ERICH6B: variants seen among roughly 807,000 people sequenced by gnomAD.
ERICH6B encodes glutamate rich 6B, also known as glutamate-rich protein 6B.
A neutral mutation model predicts 80.0 loss-of-function variants in ERICH6B; 69 were observed. That is an observed-to-expected ratio of 0.86 (90% CI 0.71 to 1.05). ERICH6B has a LOEUF of 1.05. Ranked by LOEUF, ERICH6B falls within the 50% of genes least tolerant of loss-of-function variation. The pLI, the probability that ERICH6B is intolerant of heterozygous loss-of-function variation, is 0.00. For synonymous variants in ERICH6B, 283 were observed against 291.9 expected (o/e 0.97, Z 0.31); for missense variants, 754 against 796.1 (o/e 0.95, Z 0.64).
At chr13:45,563,841 T>C (rs1001758027) in intron 9 of ERICH6B, 53 bp from the exon 10 acceptor site, 16 of 1,421,604 alleles carry the variant, frequency 1.1e-5, no homozygotes, top group Non-Finnish European at 1.5e-5. Context: ...CACGCATACA[T>C]GCCATCACAC....
intron 4 of ERICH6B, among the ~76,000 whole-genome samples, chr13:45,587,797 C>CT (rs893404700): frequency 6.6e-6 from 1 of 152,188 alleles, no homozygotes; most frequent in Non-Finnish European, 1.5e-5. Flanking sequence ...TCAACCCACA[C>CT]TATGTTCTTT....
intron 3 of ERICH6B, among the ~76,000 whole-genome samples, chr13:45,596,058 A>G (rs1461660919): frequency 2.0e-5 from 3 of 152,218 alleles, no homozygotes; most frequent in Non-Finnish European, 4.4e-5. Context: ...TATGTTTATG[A>G]AGTCTTCCTG....
At chr13:45,590,139 G>A (rs1336771623) in intron 4 of ERICH6B, among the ~76,000 whole-genome samples, 8 of 151,886 alleles carry the variant, frequency 5.3e-5, no homozygotes, top group African/African-American at 1.5e-4. Flanking sequence ...AGCTGGGCAC[G>A]TAGCAGGCCC....
intron 14 of ERICH6B, among the ~76,000 whole-genome samples, chr13:45,542,997 T>C (rs572099268): frequency 2.0e-5 from 3 of 152,166 alleles, no homozygotes; most frequent in Non-Finnish European, 2.9e-5. Flanking sequence ...TCTGCTGGAG[T>C]CTGCTATTAT....
intron 1 of ERICH6B, among the ~76,000 whole-genome samples, chr13:45,610,161 C>T (rs573293003): frequency 4.6e-5 from 7 of 152,274 alleles, no homozygotes; most frequent in South Asian, 2.1e-4. Flanking sequence ...CTCCTGCAGA[C>T]AACATCACTA....
intron 11 of ERICH6B, 21 bp from the exon 12 acceptor site, chr13:45,550,337 T>G: frequency 6.5e-7 from 1 of 1,543,650 alleles, no homozygotes; most frequent in Non-Finnish European, 8.8e-7. Context: ...AAGACAAGCC[T>G]ATGAAAAGTG....
intron 6 of ERICH6B, 115 bp from the exon 7 acceptor site, chr13:45,580,089 C>G: frequency 1.1e-6 from 1 of 895,270 alleles, no homozygotes; most frequent in Non-Finnish European, 1.7e-6. Flanking sequence ...TGGGAAGCCT[C>G]AGGGTGGAGT....
chr13:45,551,665 G>A (rs1206894367), intron 11 of ERICH6B: 1 of 152,222 alleles, frequency 6.6e-6, no homozygotes, highest in Non-Finnish European at 1.5e-5. Context: ...ACATGTGTTG[G>A]AAATTGAATC....
intron 2 of ERICH6B, among the ~76,000 whole-genome samples, chr13:45,604,267 C>T (rs1343656278): frequency 2.0e-5 from 3 of 152,240 alleles, no homozygotes; most frequent in African/African-American, 7.2e-5. Flanking sequence ...TTTGGCTCAT[C>T]CAAATAATTT....
At chr13:45,586,314 C>T (rs2985951) in intron 5 of ERICH6B, among the ~76,000 whole-genome samples, 59,785 of 151,918 alleles carry the variant, frequency 0.39, 13,623 homozygotes, top group Non-Finnish European at 0.51. Flanking sequence ...AGGGAGGTGA[C>T]GGGGGAATCT....
At chr13:45,549,794 C>T (rs896568749) in intron 13 of ERICH6B, 99 bp downstream of exon 13, 3 of 1,340,198 alleles carry the variant, frequency 2.2e-6, no homozygotes, top group Non-Finnish European at 3.0e-6. Context: ...ACATGTGTAA[C>T]TCTGAGACAG....
chr13:45,545,657 C>A (rs1279551281), intron 13 of ERICH6B, among the ~76,000 whole-genome samples: 1 of 152,170 alleles, frequency 6.6e-6, no homozygotes, highest in Non-Finnish European at 1.5e-5. Context: ...ATGTGACTTG[C>A]CTGAGGCTAT....
At chr13:45,579,810 A>G in intron 7 of ERICH6B, 123 bp downstream of exon 7, 1 of 889,760 alleles carries the variant, frequency 1.1e-6, no homozygotes, top group Non-Finnish European at 1.8e-6. Flanking sequence ...GATGCCCCTC[A>G]GTCCCCTCTG....
intron 10 of ERICH6B, among the ~76,000 whole-genome samples, 170 bp from the exon 11 acceptor site, chr13:45,561,696 G>T (rs951494853): frequency 1.3e-5 from 2 of 152,192 alleles, no homozygotes; most frequent in African/African-American, 2.4e-5. Flanking sequence ...GGCCTTTGAA[G>T]AGAGAAGTGT....
intron 4 of ERICH6B, among the ~76,000 whole-genome samples, chr13:45,588,324 C>T (rs541004273): frequency 5.9e-5 from 9 of 152,170 alleles, no homozygotes; most frequent in African/African-American, 1.7e-4. Flanking sequence ...GGGTCTGTGC[C>T]GGCCCAGCAG....
At chr13:45,603,482 A>G (rs1191002221) in intron 2 of ERICH6B, among the ~76,000 whole-genome samples, 1 of 152,142 alleles carries the variant, frequency 6.6e-6, no homozygotes, top group Non-Finnish European at 1.5e-5. Context: ...CAGTGCCTGC[A>G]ATGTCCTCCC....
chr13:45,552,806 G>A (rs985626585), intron 11 of ERICH6B: 1 of 157,202 alleles, frequency 6.4e-6, no homozygotes, highest in Non-Finnish European at 1.4e-5. Flanking sequence ...GCTTTCAGGA[G>A]ATTCTGTTGG....
chr13:45,555,097 G>A (rs746699532), intron 11 of ERICH6B, among the ~76,000 whole-genome samples: 21 of 152,134 alleles, frequency 1.4e-4, no homozygotes, highest in Non-Finnish European at 2.9e-4. Context: ...GCGCCATGGT[G>A]GGTAGATGGT....
rs560770493 is a variant in ERICH6B at position 45,544,805 on chromosome 13, G to A, written c.1827C>T (p.Thr609=). The A allele has an allele frequency of 3.2e-6, 5 of 1,551,718 alleles. No individual in the cohort carries two copies. Among genetic ancestry groups the A allele is most frequent in the Admixed American group, 2.0e-5 (1 of 51,012 alleles). Residue 609 remains threonine, a synonymous_variant, in exon 14 of 15, where the codon ACC becomes ACT. Coordinates refer to ENST00000298738, the MANE Select transcript of ERICH6B (RefSeq NM_182542.3). The stretch of plus-strand genomic sequence containing the variant: ...TTAAACAAATCTGCTTCTGTTCATA[G>A]GTGAAGCAGAAGATGATCTTATCCT... The part of the protein sequence containing the change: ...RSQDKIIFCF[T]YEQKQICLNL...
Sources: gnomAD v4.1 joint callset for allele counts (sites outside exome capture counted in the v4.1 genomes callset) on GRCh38, gnomAD v4.1.1 for gene constraint, MANE v1.5 for transcripts, NCBI Gene and HGNC (gene_info 2026-07-23, HGNC 2026-07-21) for gene names.